The following MYH13 variants were observed in gnomAD, a reference collection of about 807,000 sequenced individuals.
MYH13 encodes the protein myosin-13.
A neutral mutation model predicts 232.1 loss-of-function variants in MYH13; 177 were observed. The observed-to-expected ratio is 0.76, with a 90% confidence interval of 0.67 to 0.86. The LOEUF is 0.86. MYH13 is among the 40% of genes least tolerant of loss of function. The probability of loss-of-function intolerance (pLI) is 0.00; values close to 1 mark genes in which losing one functional copy is unlikely to be tolerated. For synonymous variants in MYH13, 884 were observed against 923.5 expected, an observed-to-expected ratio of 0.96 and a Z score of 0.78; for missense variants, 2,246 against 2,405.9, an observed-to-expected ratio of 0.93 and a Z score of 1.39.
chr17:10,338,699 T>TG (rs1567666152), intron 18 of MYH13, among the ~76,000 whole-genome samples: 38 of 122,816 alleles, frequency 3.1e-4, no homozygotes, highest in African/African-American at 1.1e-3. Flanking sequence ...GTTTTTTTTT[T>TG]TTTTTTGTTT....
At chr17:10,310,094 G>GT (rs61271828) in intron 33 of MYH13, among the ~76,000 whole-genome samples, 39,751 of 131,902 alleles carry the variant, frequency 0.3, 6,389 homozygotes, top group East Asian at 0.54. Flanking sequence ...TAGGTTTTGT[G>GT]TTTTTTTTTT....
rs1219750358 is a variant in MYH13, at chr17:10,309,403, C to G, written c.5000G>C (p.Ser1667Thr). The G allele has an allele frequency of 6.2e-7, 1 of 1,609,254 alleles. No homozygotes were observed. Among genetic ancestry groups the G allele is most frequent in the East Asian group, 2.2e-5 (1 of 44,686 alleles). Residue 1667 changes from serine (S) to threonine (T), a missense_variant, in exon 35 of 41, where the codon AGC becomes ACC. Coordinates refer to ENST00000252172, the MANE Select transcript of MYH13 (RefSeq NM_003802.3). ...CAGCTGCTCCTTGAGGTCCTCATTG[C>G]TCCTCAGGGCGTCATCGAGATGCAG... ...SQLHLDDALR[S>T]NEDLKEQLAI...
chr17:10,337,350 G>A lies in MYH13; in HGVS notation c.2056+2800C>T, dbSNP rs568971411. 4.2e-4 allele frequency among the ~76,000 whole-genome samples: 64 copies of A among 152,308 alleles called. 1 individual carries two copies. The highest frequency in any genetic ancestry group is 1.9e-3 in the South Asian group (9 of 4,828). On this transcript the variant is annotated intron_variant, in intron 18 of 40. Transcript: ENST00000252172. ...CACAGACTTAGCAGGCTCCAGGTTT[G>A]CTGCAAGAGGAGAACGAGAGGAGTA... is the stretch of plus-strand genomic sequence containing the variant.
At chr17:10,334,634 C>T (rs1907526749) in intron 18 of MYH13, among the ~76,000 whole-genome samples, 1 of 152,078 alleles carries the variant, frequency 6.6e-6, no homozygotes, top group East Asian at 1.9e-4. Flanking sequence ...AATCACCGCA[C>T]TTGGGAGGTC....
chr17:10,317,859 G>A (rs1037899981), intron 27 of MYH13: 5 of 152,226 alleles, frequency 3.3e-5, no homozygotes, highest in Non-Finnish European at 5.9e-5. Context: ...AAGAACTTGA[G>A]TCTTCAAGGT....
In MYH13 at chr17:10,343,917, C is replaced by T. The variant is rs753577706; in HGVS notation, c.1777G>A (p.Ala593Thr). 10 of 1,614,084 alleles carry T rather than the reference C, an allele frequency of 6.2e-6. No homozygotes were observed. The East Asian group carries it at 6.7e-5, about 11-fold the overall frequency. ...TCCTTGTTTTTGTCCAGCCAGCCGG[C>T]GATGTTGTAGTCCACGGTGCCGGCA... ...HYAGTVDYNI[A>T]GWLDKNKDPL... Residue 593 changes from alanine (A) to threonine (T), a missense_variant, in exon 16 of 41, where the codon GCC (alanine) becomes ACC (threonine). Coordinates refer to ENST00000252172, the MANE Select transcript of MYH13 (RefSeq NM_003802.3).
Position 10,350,531 on chromosome 17 carries a change from G to T in MYH13, c.1144+25C>A, listed in dbSNP as rs139039593. 2.2e-3 allele frequency: 3,496 copies of T among 1,607,486 alleles called. 71 individuals are homozygous for T. The African/African-American group carries it at 0.042, about 19-fold the overall frequency. On this transcript the variant is annotated intron_variant, in intron 12 of 40. Coordinates refer to ENST00000252172, the MANE Select transcript of MYH13 (RefSeq NM_003802.3). Reference sequence around the variant, plus strand: ...CACATGAACATAGATGGACCCAATCGCATCCCTTTCCCAGATGCAGTTACC... The same window carrying T: ...CACATGAACATAGATGGACCCAATCTCATCCCTTTCCCAGATGCAGTTACC...
At chr17:10,311,462 C>T (rs1906506979) in intron 32 of MYH13, among the ~76,000 whole-genome samples, 1 of 152,184 alleles carries the variant, frequency 6.6e-6, no homozygotes, top group South Asian at 2.1e-4. Context: ...GTACCATATA[C>T]AAAACGGTCA....
chr17:10,338,689 G>GTTTTTTTTTTTT (rs757791680), intron 18 of MYH13, among the ~76,000 whole-genome samples: 52 of 108,772 alleles, frequency 4.8e-4, no homozygotes, highest in South Asian at 8.1e-4. Flanking sequence ...TTTTATCCTT[G>GTTTTTTTTTTTT]TTTTTTTTTT....
intron 2 of MYH13, among the ~76,000 whole-genome samples, chr17:10,370,575 C>T (rs1299612973): frequency 6.6e-6 from 1 of 152,080 alleles, no homozygotes; most frequent in East Asian, 1.9e-4. Context: ...TGTGAGGGCT[C>T]CTCTCTCTCT....
chr17:10,365,198 C>T (rs1236067763), intron 2 of MYH13, among the ~76,000 whole-genome samples: 1 of 152,322 alleles, frequency 6.6e-6, no homozygotes, highest in Non-Finnish European at 1.5e-5. Context: ...CTAAATCGCT[C>T]ATCGTGTTTG....
At chr17:10,311,060 C>T (rs1455919088) in intron 33 of MYH13, 43 bp downstream of exon 33, 2 of 1,611,106 alleles carry the variant, frequency 1.2e-6, no homozygotes, top group Non-Finnish European at 8.5e-7. Flanking sequence ...CTTTCAGTTC[C>T]CTGTCCTCCT....
chr17:10,345,515 C>T lies in MYH13; in HGVS notation c.1365G>A (p.Arg455=), dbSNP rs375649541. The T allele has an allele frequency of 3.7e-5, 59 of 1,614,158 alleles. No individual in the cohort carries two copies. The African/African-American group carries it at 7.5e-4, about 20-fold the overall frequency. ...INQQLDTKQP[R]QYFIGVLDIA... Reference sequence around the variant, plus strand: ...TGTCCAAGACCCCGATGAAGTACTGCCTGGGCTGCTTGGTGTCCAGCTGCT... The same window carrying T: ...TGTCCAAGACCCCGATGAAGTACTGTCTGGGCTGCTTGGTGTCCAGCTGCT... Residue 455 remains arginine, a synonymous_variant, in exon 14 of 41, where the codon AGG becomes AGA. Coordinates refer to ENST00000252172, the MANE Select transcript of MYH13 (RefSeq NM_003802.3).
Position 10,306,220 on chromosome 17 carries a change from A to ATGTGTGTGTGTGTGTGTGTG in MYH13, c.5466+219_5466+238dup, listed in dbSNP as rs34889608. The stretch of plus-strand genomic sequence containing the variant: ...CTGAGGTGTGAGCATACCAAAATAG[A>ATGTGTGTGTGTGTGTGTGTG]TGTGTGTGTGTGTGTGTGTGTGTGT... On this transcript the variant is annotated intron_variant, in intron 37 of 40. Coordinates refer to ENST00000252172, the MANE Select transcript of MYH13 (RefSeq NM_003802.3). The surrounding 1 kb of genome is among the most constrained non-coding windows in gnomAD (Gnocchi z 4.3). Among the ~76,000 whole-genome samples the ATGTGTGTGTGTGTGTGTGTG allele has an allele frequency of 7.7e-5, 10 of 129,944 alleles. No homozygotes were observed. The highest frequency in any genetic ancestry group is 9.8e-5 in the Non-Finnish European group (6 of 61,046). The allele number at this position is 129,944 out of a possible 152,430, so 85.2% of individuals were successfully genotyped here.
chr17:10,353,584 G>T (rs1276733352), intron 11 of MYH13, among the ~76,000 whole-genome samples: 1 of 152,240 alleles, frequency 6.6e-6, no homozygotes, highest in South Asian at 2.1e-4. Context: ...CTGTCATTGG[G>T]CCTGGTGCAG....
Position 10,354,714 on chromosome 17 carries a change from C to T in MYH13, c.971G>A (p.Ser324Asn). ...FVSQGEVTVA[S>N]IDDSEELLAT... ...CAGCAGTTCTTCACTGTCATCGATACTGGCTACCGTGACCTCTCCTTGGCT... is the reference window on the plus strand; with the variant it reads ...CAGCAGTTCTTCACTGTCATCGATATTGGCTACCGTGACCTCTCCTTGGCT... The change falls in exon 11 of 41, where the codon AGT (serine) becomes AAT (asparagine). Residue 324 changes from serine (S) to asparagine (N), a missense_variant. Coordinates refer to ENST00000252172, the MANE Select transcript of MYH13 (RefSeq NM_003802.3). 1 of 1,613,970 alleles carries T rather than the reference C, an allele frequency of 6.2e-7. No individual in the cohort carries two copies.
At chr17:10,311,275 A>T in intron 32 of MYH13, 48 bp from the exon 33 acceptor site, 1 of 1,610,160 alleles carries the variant, frequency 6.2e-7, no homozygotes. Context: ...GCTCCAGTTT[A>T]TAGTATAGGC....
At chr17:10,347,531 G>T (rs1159801680) in intron 12 of MYH13, among the ~76,000 whole-genome samples, 1 of 152,028 alleles carries the variant, frequency 6.6e-6, no homozygotes, top group Non-Finnish European at 1.5e-5. Flanking sequence ...TACAAAACTT[G>T]ACCCTCCCTT....
chr17:10,313,469 A>G (rs1906592989), intron 29 of MYH13, 115 bp from the exon 30 acceptor site: 3 of 1,498,266 alleles, frequency 2.0e-6, no homozygotes, highest in South Asian at 2.6e-5. Context: ...GTCTTCACCA[A>G]TTTTGCCATA....
Sources: allele counts gnomAD v4.1 joint callset (sites outside exome capture counted in the v4.1 genomes callset), GRCh38; gene constraint gnomAD v4.1.1; non-coding constraint Gnocchi (gnomAD v3.1); transcripts MANE v1.5; gene names NCBI Gene and HGNC (gene_info 2026-07-23, HGNC 2026-07-21).